The following CASR variants were observed in gnomAD, a reference collection of about 807,000 sequenced individuals.
CASR encodes extracellular calcium-sensing receptor.
A neutral mutation model predicts 69.1 loss-of-function variants in CASR; 23 were observed. The ratio of observed to expected loss-of-function variants is 0.33; its 90% confidence interval spans 0.24 to 0.47. The LOEUF is 0.47. CASR is among the 20% of genes least tolerant of loss of function. The probability of loss-of-function intolerance (pLI) is 1.00; values close to 1 mark genes in which losing one functional copy is unlikely to be tolerated. For synonymous variants in CASR, 541 were observed against 544.7 expected (o/e 0.99, Z 0.10); for missense variants, 924 against 1,356.1 (o/e 0.68, Z 5.00).
At chr3:122,226,036 G>T (rs1362095017) in intron 1 of CASR, among the ~76,000 whole-genome samples, 1 of 152,100 alleles carries the variant, frequency 6.6e-6, no homozygotes, top group East Asian at 1.9e-4. Context: ...ATTCACATGG[G>T]CACAAAGATG....
chr3:122,252,450 A>AG (rs1559954426), intron 1 of CASR, among the ~76,000 whole-genome samples: 23 of 100,572 alleles, frequency 2.3e-4, no homozygotes, highest in South Asian at 3.3e-4. Context: ...AGAAAGAAAA[A>AG]AAAGAAAAGA....
chr3:122,192,604 G>T (rs1467929355), intron 1 of CASR, among the ~76,000 whole-genome samples: 1 of 152,122 alleles, frequency 6.6e-6, no homozygotes, highest in East Asian at 1.9e-4. Context: ...GACTAATTTT[G>T]AAGTCAAAGC....
chr3:122,210,059 G>C (rs146982681), intron 1 of CASR, among the ~76,000 whole-genome samples: 2 of 151,918 alleles, frequency 1.3e-5, no homozygotes, highest in Non-Finnish European at 2.9e-5. Context: ...AAAAACTCTC[G>C]ATAAACTAGG....
intron 3 of CASR, among the ~76,000 whole-genome samples, chr3:122,260,616 C>A (rs1444236596): frequency 6.6e-6 from 1 of 151,864 alleles, no homozygotes; most frequent in Non-Finnish European, 1.5e-5. Context: ...GTGCAGCACA[C>A]CAACATGGCA....
intron 1 of CASR, among the ~76,000 whole-genome samples, chr3:122,187,497 A>G (rs1382970390): frequency 6.6e-6 from 1 of 152,258 alleles, no homozygotes; most frequent in Non-Finnish European, 1.5e-5. Flanking sequence ...TAAGGAGTTC[A>G]TAGAAGTCTG....
At chr3:122,262,993 T>C (rs982938361) in intron 4 of CASR, among the ~76,000 whole-genome samples, 27 of 152,236 alleles carry the variant, frequency 1.8e-4, no homozygotes, top group African/African-American at 6.5e-4. Flanking sequence ...GAAGTGGTTA[T>C]CATAGAAAAA....
At chr3:122,224,704 C>T (rs1045731554) in intron 1 of CASR, among the ~76,000 whole-genome samples, 10 of 152,046 alleles carry the variant, frequency 6.6e-5, no homozygotes, top group African/African-American at 1.7e-4. Context: ...CTAAAATTCA[C>T]GTAGAACCAA....
chr3:122,261,698 G>C lies in CASR; in HGVS notation c.663G>C (p.Pro221=), dbSNP rs750830429. 6.2e-7 allele frequency: 1 copy of C among 1,614,184 alleles called. No individual in the cohort carries two copies. The highest frequency in any genetic ancestry group is 2.2e-5 in the East Asian group (1 of 44,882). ...CAGCTGATGACGACTATGGGCGGCC[G>C]GGGATTGAGAAATTCCGAGAGGAAG... ...TIAADDDYGR[P]GIEKFREEAE... Residue 221 remains proline, a synonymous_variant, in exon 4 of 7, where the codon CCG becomes CCC. Transcript: ENST00000639785.
At position 122,198,975 on chromosome 3, in the gene CASR, A is replaced by G. The variant is rs534884033; in HGVS notation, c.-243+15163A>G. ...TCTTTCCTGCTCTTTCCTCCAGAGA[A>G]GTAATCATTCCCAAATTTGAATTTC... On this transcript the variant is annotated intron_variant, in intron 1 of 6. Coordinates refer to ENST00000639785, the MANE Select transcript of CASR (RefSeq NM_000388.4). Among the ~76,000 whole-genome samples, 15 of 152,304 alleles carry G rather than the reference A, an allele frequency of 9.8e-5. No individual in the cohort carries two copies. In the South Asian group the frequency reaches 2.3e-3, roughly 23 times the overall value.
chr3:122,284,343 C>T lies in CASR; in HGVS notation c.2389C>T (p.Leu797=), dbSNP rs866506433. 1.9e-6 allele frequency: 3 copies of T among 1,614,028 alleles called. No homozygotes were observed. In the African/African-American group the frequency reaches 4.0e-5, roughly 22 times the overall value. The change falls in exon 7 of 7, where the codon CTG becomes TTG. Residue 797 remains leucine (L), a synonymous_variant. Coordinates refer to ENST00000639785, the MANE Select transcript of CASR (RefSeq NM_000388.4). The stretch of plus-strand genomic sequence containing the variant: ...CTTCTTTGCCTTCAAGTCCCGGAAG[C>T]TGCCGGAGAACTTCAATGAAGCCAA... ...CFFFAFKSRK[L]PENFNEAKFI...
chr3:122,226,087 G>A (rs990083919), intron 1 of CASR, among the ~76,000 whole-genome samples: 13 of 152,266 alleles, frequency 8.5e-5, no homozygotes, highest in Non-Finnish European at 1.5e-4. Context: ...GGGGAAGATG[G>A]GGGGGTAGTG....
intron 4 of CASR, among the ~76,000 whole-genome samples, chr3:122,269,395 T>A (rs1407818609): frequency 6.6e-6 from 1 of 152,216 alleles, no homozygotes; most frequent in Non-Finnish European, 1.5e-5. Flanking sequence ...TCCCTTTTAT[T>A]CCTATATTGC....
At chr3:122,281,288 G>A (rs180853368) in intron 5 of CASR, among the ~76,000 whole-genome samples, 17 of 152,214 alleles carry the variant, frequency 1.1e-4, no homozygotes, top group African/African-American at 3.6e-4. Flanking sequence ...CTAATAATTC[G>A]GTTGTTCTTT....
chr3:122,252,087 A>G (rs185442724), intron 1 of CASR, among the ~76,000 whole-genome samples: 3 of 152,238 alleles, frequency 2.0e-5, no homozygotes, highest in Admixed American at 2.0e-4. Context: ...TGAGCCTAGG[A>G]GTTCAAGGCC....
rs80228258 is a variant in CASR at position 122,276,894 on chromosome 3, T to C, written c.1608+852T>C. 4.3e-3 allele frequency among the ~76,000 whole-genome samples: 652 copies of C among 152,282 alleles called. 3 individuals carry two copies. The highest frequency in any genetic ancestry group is 0.014 in the African/African-American group (586 of 41,546). On this transcript the variant is annotated intron_variant, in intron 5 of 6. Coordinates refer to ENST00000639785, the MANE Select transcript of CASR (RefSeq NM_000388.4). ...TCTATGATGTTTGTGTCCTAGAATATAGCAGGCTGCTAAGAATCCAGGTCC... is the reference window on the plus strand; with the variant it reads ...TCTATGATGTTTGTGTCCTAGAATACAGCAGGCTGCTAAGAATCCAGGTCC...
intron 2 of CASR, among the ~76,000 whole-genome samples, chr3:122,255,010 C>A (rs2107625688): frequency 6.8e-6 from 1 of 146,564 alleles, no homozygotes; most frequent in Middle Eastern, 3.4e-3. Flanking sequence ...TCAATAGATT[C>A]TCTCTGTGGC....
chr3:122,219,005 G>C (rs2074145280), intron 1 of CASR, among the ~76,000 whole-genome samples: 1 of 152,224 alleles, frequency 6.6e-6, no homozygotes, highest in African/African-American at 2.4e-5. Context: ...CAAAGATCTT[G>C]ATGTATTCCA....
chr3:122,231,581 C>T (rs2074278564), intron 1 of CASR, among the ~76,000 whole-genome samples: 1 of 152,150 alleles, frequency 6.6e-6, no homozygotes, highest in South Asian at 2.1e-4. Flanking sequence ...TAAGGAAACT[C>T]ATCTTCCATT....
chr3:122,264,440 G>C (rs1315186620), intron 4 of CASR, among the ~76,000 whole-genome samples: 2 of 152,192 alleles, frequency 1.3e-5, no homozygotes, highest in Non-Finnish European at 2.9e-5. Flanking sequence ...CAGTCCTCCA[G>C]ACTACATAGA....
Sources: gnomAD v4.1 joint callset for allele counts (sites outside exome capture counted in the v4.1 genomes callset) on GRCh38, gnomAD v4.1.1 for gene constraint, MANE v1.5 for transcripts, NCBI Gene and HGNC (gene_info 2026-07-23, HGNC 2026-07-21) for gene names.